The following ULK4 variants were observed in gnomAD, a reference collection of about 807,000 sequenced individuals.
The protein encoded by ULK4 is inactive serine/threonine-protein kinase ULK4.
In ULK4, 133 loss-of-function variants were observed where a neutral mutation model predicts 160.6. The ratio of observed to expected loss-of-function variants is 0.83; its 90% confidence interval spans 0.72 to 0.96. The LOEUF (loss-of-function observed/expected upper bound fraction) is 0.96. Among genes scored for constraint, ULK4 ranks in the 40% least tolerant of loss-of-function variants. The probability of loss-of-function intolerance (pLI) is 0.00; values close to 1 mark genes in which losing one functional copy is unlikely to be tolerated. For synonymous variants in ULK4, 534 were observed against 539.8 expected (o/e 0.99, Z 0.15); for missense variants, 1,580 against 1,499.5 (o/e 1.05, Z -0.89).
chr3:41,912,931 TTAACA>T, intron 8 of ULK4, 32 bp from the exon 9 acceptor site: 1 of 1,602,216 alleles, frequency 6.2e-7, no homozygotes, highest in South Asian at 1.1e-5. Flanking sequence ...AAACTCTACT[TTAACA>T]TGATTTACCA....
intron 18 of ULK4, among the ~76,000 whole-genome samples, chr3:41,822,830 T>C (rs1575768952): frequency 6.7e-6 from 1 of 148,470 alleles, no homozygotes; most frequent in Admixed American, 6.8e-5. Context: ...CACGCCATTC[T>C]CCTGCCTCAG....
At chr3:41,618,455 G>A (rs1270654862) in intron 30 of ULK4, among the ~76,000 whole-genome samples, 1 of 152,186 alleles carries the variant, frequency 6.6e-6, no homozygotes, top group African/African-American at 2.4e-5. Flanking sequence ...CCACAAGAGC[G>A]TGGGGGCCAA....
chr3:41,902,575 CA>C (rs35656981), intron 12 of ULK4, among the ~76,000 whole-genome samples: 53 of 53,230 alleles, frequency 1.0e-3, no homozygotes, highest in East Asian at 5.1e-3. Flanking sequence ...GAGACTCCAC[CA>C]AAAAAAAAAA....
chr3:41,434,203 G>A (rs1229287755), intron 34 of ULK4, among the ~76,000 whole-genome samples: 1 of 152,158 alleles, frequency 6.6e-6, no homozygotes, highest in African/African-American at 2.4e-5. Context: ...TGAATTTTAT[G>A]TTTAGACTTG....
chr3:41,281,787 G>A (rs990550115), intron 35 of ULK4, among the ~76,000 whole-genome samples: 8 of 152,246 alleles, frequency 5.3e-5, no homozygotes, highest in Admixed American at 6.5e-5. Context: ...CATAGTGTTG[G>A]AAGTTCTGGC....
intron 27 of ULK4, among the ~76,000 whole-genome samples, chr3:41,694,480 A>C (rs1022998760): frequency 8.5e-5 from 13 of 152,080 alleles, no homozygotes; most frequent in African/African-American, 3.1e-4. Flanking sequence ...GCCTAGAGAG[A>C]AAAGGAGGAT....
At chr3:41,542,219 A>G (rs2086720219) in intron 32 of ULK4, among the ~76,000 whole-genome samples, 1 of 152,208 alleles carries the variant, frequency 6.6e-6, no homozygotes, top group African/African-American at 2.4e-5. Flanking sequence ...GACAGTTTTT[A>G]GCATGAAGGG....
At chr3:41,603,710 T>C (rs1236439270) in intron 31 of ULK4, among the ~76,000 whole-genome samples, 1 of 152,086 alleles carries the variant, frequency 6.6e-6, no homozygotes, top group East Asian at 1.9e-4. Flanking sequence ...TTATAAAATA[T>C]AACCACTGGA....
intron 32 of ULK4, among the ~76,000 whole-genome samples, chr3:41,494,539 TC>T (rs1282187058): frequency 6.6e-6 from 1 of 151,498 alleles, no homozygotes; most frequent in African/African-American, 2.4e-5. Flanking sequence ...ATGCCCTCTC[TC>T]ACCACTCCTA....
intron 21 of ULK4, among the ~76,000 whole-genome samples, chr3:41,762,631 G>C (rs1575664380): frequency 6.8e-6 from 1 of 148,042 alleles, no homozygotes; most frequent in Non-Finnish European, 1.5e-5. Context: ...AGGAGAAAGA[G>C]CAAGAGAGCC....
chr3:41,741,287 C>A (rs896616471), intron 22 of ULK4, among the ~76,000 whole-genome samples: 2 of 151,810 alleles, frequency 1.3e-5, no homozygotes, highest in Non-Finnish European at 2.9e-5. Flanking sequence ...CATTTTTTAA[C>A]GAAATTGTAT....
intron 18 of ULK4, among the ~76,000 whole-genome samples, chr3:41,823,268 G>T (rs1465485886): frequency 6.6e-6 from 1 of 152,258 alleles, no homozygotes; most frequent in East Asian, 1.9e-4. Context: ...GCAGAAGCAT[G>T]GCATAGTGGG....
chr3:41,576,001 T>C (rs1406940783), intron 31 of ULK4, among the ~76,000 whole-genome samples: 1 of 152,206 alleles, frequency 6.6e-6, no homozygotes, highest in Admixed American at 6.5e-5. Flanking sequence ...TCCCTGGGGA[T>C]GGACTGTGCC....
intron 17 of ULK4, among the ~76,000 whole-genome samples, chr3:41,880,190 G>A (rs1044121776): frequency 1.3e-5 from 2 of 152,078 alleles, no homozygotes; most frequent in African/African-American, 2.4e-5. Flanking sequence ...TCCACTGCAC[G>A]CTTCAGACTA....
chr3:41,940,706 TATAAAAA>T (rs2148829989), intron 2 of ULK4, among the ~76,000 whole-genome samples: 1 of 152,146 alleles, frequency 6.6e-6, no homozygotes, highest in South Asian at 2.1e-4. Flanking sequence ...ATTCAATAAA[TATAAAAA>T]ATAAAATAAA....
chr3:41,655,092 T>C (rs1170141852), intron 30 of ULK4, among the ~76,000 whole-genome samples: 1 of 151,882 alleles, frequency 6.6e-6, no homozygotes, highest in Admixed American at 6.6e-5. Flanking sequence ...GAGGACTGCT[T>C]GAGCCCAGGA....
At chr3:41,807,353 C>G (rs888489365) in intron 19 of ULK4, among the ~76,000 whole-genome samples, 2 of 152,022 alleles carry the variant, frequency 1.3e-5, no homozygotes, top group African/African-American at 2.4e-5. Flanking sequence ...ACTAATTCAA[C>G]TTTAGAAATT....
At chr3:41,913,059 C>A (rs1698844064) in intron 8 of ULK4, 160 bp from the exon 9 acceptor site, 2 of 586,454 alleles carry the variant, frequency 3.4e-6, no homozygotes, top group Admixed American at 6.2e-5. Context: ...CTATTAACCT[C>A]TTTTAGACAG....
chr3:41,647,794 C>G (rs1464476584), intron 30 of ULK4, among the ~76,000 whole-genome samples: 1 of 152,234 alleles, frequency 6.6e-6, no homozygotes, highest in African/African-American at 2.4e-5. Flanking sequence ...GCCCTGCCCC[C>G]AGGGGTGGAG....
Sources: gnomAD v4.1 joint callset for allele counts (sites outside exome capture counted in the v4.1 genomes callset) on GRCh38, gnomAD v4.1.1 for gene constraint, MANE v1.5 for transcripts, NCBI Gene and HGNC (gene_info 2026-07-23, HGNC 2026-07-21) for gene names.